Variants in NCBP1 observed in about 807,000 individuals in gnomAD.
The protein encoded by NCBP1 is nuclear cap binding protein subunit 1.
Under a neutral mutation model 111.7 loss-of-function variants are expected in NCBP1, and 16 were observed. That is an observed-to-expected ratio of 0.14 (90% CI 0.10 to 0.22). NCBP1 has a LOEUF of 0.22. NCBP1 is among the 10% of genes least tolerant of loss of function. The probability of loss-of-function intolerance (pLI) is 1.00; values close to 1 mark genes in which losing one functional copy is unlikely to be tolerated. For missense variants in NCBP1, 607 were observed against 957.5 expected (o/e 0.63, Z 4.83); for synonymous variants, 304 against 314.3 (o/e 0.97, Z 0.35).
rs1462553657 is a variant in NCBP1 at position 97,671,535 on chromosome 9, GA to G, written c.*338del. ...AGAGGTCAACCTTACATAGTATATA[GA>G]ACTGATGGGTTTACCCAGCTACCCA... On this transcript the variant is annotated 3_prime_UTR_variant, in exon 23 of 23. Coordinates refer to ENST00000375147, the MANE Select transcript of NCBP1 (RefSeq NM_002486.5). 5 of 180,516 alleles carry G rather than the reference GA, an allele frequency of 2.8e-5. No individual in the cohort carries two copies. Among genetic ancestry groups the G allele is most frequent in the Admixed American group, 2.4e-4 (4 of 16,462 alleles). 11.2% of individuals were successfully genotyped at this position (180,516 alleles called of 1,614,324 possible). A position where few individuals can be genotyped will look rare whatever the true frequency, so the allele number is the denominator to read the frequency against.
At chr9:97,639,873 C>G (rs1482707645) in intron 1 of NCBP1, among the ~76,000 whole-genome samples, 11 of 152,132 alleles carry the variant, frequency 7.2e-5, no homozygotes, top group African/African-American at 2.4e-5. Flanking sequence ...CACCTTCATT[C>G]AACTTGAATT....
At chr9:97,655,151 CTCTAG>C (rs1371443856) in intron 12 of NCBP1, among the ~76,000 whole-genome samples, 1 of 152,066 alleles carries the variant, frequency 6.6e-6, no homozygotes, top group East Asian at 1.9e-4. Flanking sequence ...TAATTTCATT[CTCTAG>C]TCAAGTATCA....
In NCBP1 at chr9:97,661,029, C is replaced by T. The variant is rs1481064855; in HGVS notation, c.1561C>T (p.Leu521=). 6.2e-7 allele frequency: 1 copy of T among 1,612,676 alleles called. No homozygotes were observed. The highest frequency in any genetic ancestry group is 8.5e-7 in the Non-Finnish European group (1 of 1,179,702). Residue 521 remains leucine, a synonymous_variant, in exon 16 of 23, where the codon CTG becomes TTG. Coordinates refer to ENST00000375147, the MANE Select transcript of NCBP1 (RefSeq NM_002486.5). ...AACCAATGATGAAATCTTCAGCATT[C>T]TGAAAGATGTACCAAATCCTAACCA... ...KATNDEIFSI[L]KDVPNPNQDD... is the part of the protein sequence containing the mutation.
intron 22 of NCBP1, 146 bp from the exon 23 acceptor site, chr9:97,670,940 A>G: frequency 4.1e-6 from 2 of 488,800 alleles, no homozygotes; most frequent in Admixed American, 4.0e-5. Flanking sequence ...GGGGATTTTC[A>G]GGGGTCCATT....
At chr9:97,666,467 G>C (rs1158510699) in intron 19 of NCBP1, among the ~76,000 whole-genome samples, 6 of 152,282 alleles carry the variant, frequency 3.9e-5, no homozygotes. Context: ...GTCCATCATA[G>C]TTTGCCATTT....
chr9:97,660,150 T>G (rs914532186), intron 15 of NCBP1, among the ~76,000 whole-genome samples: 1 of 152,236 alleles, frequency 6.6e-6, no homozygotes, highest in Non-Finnish European at 1.5e-5. Context: ...TTTCTTCGCC[T>G]TCTTTTTTTT....
At chr9:97,664,534 C>T in intron 19 of NCBP1, 91 bp downstream of exon 19, 1 of 839,076 alleles carries the variant, frequency 1.2e-6, no homozygotes, top group Non-Finnish European at 1.9e-6. Context: ...TGGTCCAAAC[C>T]AGGTTGATAT....
At position 97,673,142 on chromosome 9, in the gene NCBP1, A is replaced by C. The variant is rs1828245097; in HGVS notation, c.*1943A>C. ...GGCTCTGTCTCAAAAAAGAAAAAAAATATATAGCATATAACATACAAAATG... is the reference window on the plus strand; with the variant it reads ...GGCTCTGTCTCAAAAAAGAAAAAAACTATATAGCATATAACATACAAAATG... On this transcript the variant is annotated 3_prime_UTR_variant, in exon 23 of 23. Transcript: ENST00000375147. The C allele has an allele frequency of 1.3e-5, 2 of 152,192 alleles. No individual in the cohort carries two copies. The allele number at this position is 152,192 out of a possible 1,614,324, so 9.4% of individuals were successfully genotyped here.
At chr9:97,661,954 T>G (rs988326031) in intron 16 of NCBP1, 88 bp from the exon 17 acceptor site, 1 of 849,250 alleles carries the variant, frequency 1.2e-6, no homozygotes, top group Non-Finnish European at 1.9e-6. Flanking sequence ...TGTATAGATG[T>G]GAGCAACCAT....
intron 22 of NCBP1, 122 bp from the exon 23 acceptor site, chr9:97,670,964 C>CTT: frequency 3.5e-6 from 2 of 565,366 alleles, no homozygotes; most frequent in Non-Finnish European, 3.1e-6. Flanking sequence ...CCTATCAGCA[C>CTT]TTTTTTTTCC....
At chr9:97,642,801 G>GC (rs993111899) in intron 3 of NCBP1, among the ~76,000 whole-genome samples, 17 of 151,846 alleles carry the variant, frequency 1.1e-4, no homozygotes, top group Admixed American at 5.2e-4. Flanking sequence ...AATGCTGCAC[G>GC]CCCCCCCTTA....
At chr9:97,669,554 C>G (rs769546845) in intron 21 of NCBP1, 39 bp from the exon 22 acceptor site, 1 of 1,399,938 alleles carries the variant, frequency 7.1e-7, no homozygotes, top group Non-Finnish European at 1.0e-6. Flanking sequence ...GTATAAGATT[C>G]TGTCTGTAGT....
rs534440240 is a variant in NCBP1, at chr9:97,643,028, C to T, written c.225-176C>T. ...ACTGATGAATTAAAATGAAAAATTA[C>T]GGGACTATGTCTGTAACATTTCTCA... On this transcript the variant is annotated intron_variant, in intron 3 of 22. Coordinates refer to ENST00000375147, the MANE Select transcript of NCBP1 (RefSeq NM_002486.5). Among the ~76,000 whole-genome samples the T allele has an allele frequency of 1.6e-3, 237 of 152,092 alleles. 3 individuals carry two copies. The highest frequency in any genetic ancestry group is 5.4e-3 in the African/African-American group (225 of 41,536).
At position 97,673,327 on chromosome 9, in the gene NCBP1, T is replaced by C. The variant is rs1429909678; in HGVS notation, c.*2128T>C. ...CAACTGTAGTTTAAAATGACTCCTGTCTCAAAAAACCAAAGGATAACCTTT... is the reference window on the plus strand; with the variant it reads ...CAACTGTAGTTTAAAATGACTCCTGCCTCAAAAAACCAAAGGATAACCTTT... On this transcript the variant is annotated 3_prime_UTR_variant, in exon 23 of 23. Transcript: ENST00000375147. The C allele has an allele frequency of 6.6e-6, 1 of 152,160 alleles. No individual in the cohort carries two copies. Among genetic ancestry groups the C allele is most frequent in the Non-Finnish European group, 1.5e-5 (1 of 68,024 alleles). 9.4% of individuals were successfully genotyped at this position (152,160 alleles called of 1,614,324 possible). A position where few individuals can be genotyped will look rare whatever the true frequency, so the allele number is the denominator to read the frequency against.
chr9:97,643,087 A>AGC, intron 3 of NCBP1, 117 bp from the exon 4 acceptor site: 1 of 1,004,886 alleles, frequency 1.0e-6, no homozygotes, highest in Non-Finnish European at 1.4e-6. Context: ...TTTTAAAGAC[A>AGC]TAGCTAAAAG....
chr9:97,636,260 C>T (rs1827021467), intron 1 of NCBP1, among the ~76,000 whole-genome samples: 1 of 151,814 alleles, frequency 6.6e-6, no homozygotes, highest in South Asian at 2.1e-4. Context: ...AGTTAAAAAT[C>T]TATTTTTTAA....
intron 20 of NCBP1, among the ~76,000 whole-genome samples, 193 bp from the exon 21 acceptor site, chr9:97,668,653 T>C (rs1377693239): frequency 6.6e-6 from 1 of 151,952 alleles, no homozygotes; most frequent in African/African-American, 2.4e-5. Context: ...AATTTCTGAA[T>C]GAGAAGACAG....
At chr9:97,669,942 A>G in intron 22 of NCBP1, 1 of 487,020 alleles carries the variant, frequency 2.1e-6, no homozygotes, top group Non-Finnish European at 3.6e-6. Flanking sequence ...CTTTTTTTTG[A>G]GATGGCATCT....
Position 97,673,455 on chromosome 9 carries a change from G to A in NCBP1, c.*2256G>A, listed in dbSNP as rs1045778582. The A allele has an allele frequency of 2.0e-5, 3 of 152,160 alleles. No individual in the cohort carries two copies. The highest frequency in any genetic ancestry group is 7.2e-5 in the African/African-American group (3 of 41,426). 9.4% of individuals were successfully genotyped at this position (152,160 alleles called of 1,614,324 possible). On this transcript the variant is annotated 3_prime_UTR_variant, in exon 23 of 23. Transcript: ENST00000375147. ...GATCCACATTCTAGAGAAATTTGTA[G>A]GTTTTAATTTCTTTTCTCTTGGTCC...
Sources: allele counts gnomAD v4.1 joint callset (sites outside exome capture counted in the v4.1 genomes callset), GRCh38; gene constraint gnomAD v4.1.1; transcripts MANE v1.5; gene names NCBI Gene and HGNC (gene_info 2026-07-23, HGNC 2026-07-21).